Variants in WDR43 observed in about 807,000 individuals in gnomAD.
WDR43 encodes the protein WD repeat-containing protein 43.
WDR43 carries 13 observed loss-of-function variants against 91.4 expected under a neutral mutation model. The observed-to-expected ratio is 0.14, with a 90% CI of 0.09 to 0.23. The LOEUF is 0.23. WDR43 is among the 10% of genes least tolerant of loss of function. The pLI is 1.00. For missense variants in WDR43, 780 were observed against 809.4 expected (o/e 0.96, Z 0.44); for synonymous variants, 331 against 287.9 (o/e 1.15, Z -1.51).
In WDR43 at chr2:28,937,944, G is replaced by A; in HGVS notation, c.1570G>A (p.Val524Ile). 1 of 1,613,702 alleles carries A rather than the reference G, an allele frequency of 6.2e-7. No individual in the cohort carries two copies. The highest frequency in any genetic ancestry group is 8.5e-7 in the Non-Finnish European group (1 of 1,179,770). Residue 524 changes from valine to isoleucine, a missense_variant, in exon 14 of 18, where the codon GTT becomes ATT. Transcript: ENST00000407426. ...TTTTTTTTCCAGTGCTGTGCTAATG[G>A]TTCAGTGGCTAAAATGTGTGTTAAC... ...QGHPNSAVLMVQWLKCVLTVH... is the reference protein window; with the variant it reads ...QGHPNSAVLMIQWLKCVLTVH...
intron 6 of WDR43, among the ~76,000 whole-genome samples, chr2:28,920,460 T>G (rs1480728652): frequency 6.6e-6 from 1 of 151,864 alleles, no homozygotes; most frequent in Non-Finnish European, 1.5e-5. Context: ...ACTCCTGACC[T>G]CAAGTGATCT....
At chr2:28,924,871 C>A in intron 7 of WDR43, 111 bp from the exon 8 acceptor site, 1 of 1,276,668 alleles carries the variant, frequency 7.8e-7, no homozygotes, top group Non-Finnish European at 1.1e-6. Context: ...CTCCTGATGG[C>A]AGTATAGAGG....
chr2:28,901,878 C>T (rs1670582961), intron 1 of WDR43, 109 bp from the exon 2 acceptor site: 4 of 1,087,644 alleles, frequency 3.7e-6, no homozygotes, highest in Non-Finnish European at 5.1e-6. Context: ...TTCTCTCTTC[C>T]CCCCTTTTAA....
chr2:28,922,699 T>C (rs111360610), intron 6 of WDR43, among the ~76,000 whole-genome samples: 6 of 152,296 alleles, frequency 3.9e-5, no homozygotes, highest in African/African-American at 1.4e-4. Flanking sequence ...TCCTTGACTG[T>C]TCTCTTCTTG....
chr2:28,929,907 T>C (rs749811394), intron 11 of WDR43, among the ~76,000 whole-genome samples, 197 bp downstream of exon 11: 1 of 152,024 alleles, frequency 6.6e-6, no homozygotes, highest in Non-Finnish European at 1.5e-5. Flanking sequence ...TTGCATTGAG[T>C]TATTTTGAAC....
chr2:28,925,278 T>G, intron 8 of WDR43, 125 bp downstream of exon 8: 1 of 1,015,344 alleles, frequency 9.8e-7, no homozygotes, highest in Non-Finnish European at 1.3e-6. Context: ...TTAAAGGATT[T>G]CTTCATGGAG....
chr2:28,907,265 G>T (rs1196776689), intron 3 of WDR43, among the ~76,000 whole-genome samples: 1 of 152,106 alleles, frequency 6.6e-6, no homozygotes, highest in East Asian at 1.9e-4. Context: ...CCAGAGAAGG[G>T]ATTCTAATGC....
At position 28,925,141 on chromosome 2, in the gene WDR43, T is replaced by C; in HGVS notation, c.1074T>C (p.Thr358=). ...LLVYGSWFQP[T]IERVALNSRE... is the part of the protein sequence containing the mutation. ...TATATGGCAGTTGGTTTCAGCCTAC[T>C]ATTGAGCGAGTGGTACGTAGCTGCT... The change falls in exon 8 of 18, where the codon ACT becomes ACC. Residue 358 remains threonine, a synonymous_variant. Coordinates refer to ENST00000407426, the MANE Select transcript of WDR43 (RefSeq NM_015131.3). 1 of 1,613,222 alleles carries C rather than the reference T, an allele frequency of 6.2e-7. No homozygotes were observed. The highest frequency in any genetic ancestry group is 8.5e-7 in the Non-Finnish European group (1 of 1,179,478).
intron 3 of WDR43, among the ~76,000 whole-genome samples, chr2:28,909,530 C>T (rs1670749671): frequency 6.6e-6 from 1 of 152,106 alleles, no homozygotes; most frequent in Non-Finnish European, 1.5e-5. Context: ...TCCTTCAAAT[C>T]ACTGGAGATC....
At chr2:28,899,056 G>A (rs764875536) in intron 1 of WDR43, among the ~76,000 whole-genome samples, 1 of 152,100 alleles carries the variant, frequency 6.6e-6, no homozygotes, top group Non-Finnish European at 1.5e-5. Flanking sequence ...TTCAGTATTC[G>A]TTGCTTAACT....
chr2:28,937,302 G>A (rs948150251), intron 13 of WDR43, among the ~76,000 whole-genome samples: 5 of 152,070 alleles, frequency 3.3e-5, no homozygotes, highest in African/African-American at 2.4e-5. Flanking sequence ...ACTAAATTTT[G>A]TGTCTTTTTT....
rs745993867 is a variant in WDR43 at position 28,942,347 on chromosome 2, C to T, written c.1770C>T (p.Ser590=). 9.3e-6 allele frequency: 15 copies of T among 1,613,376 alleles called. No homozygotes were observed. In the Middle Eastern group the frequency reaches 4.9e-4, roughly 53 times the overall value. ...CAGAGAAGACAAAGGGAGCAACTTC[C>T]CCTGGACAGAAGGCAAAGTTGGTGT... ...TASEKTKGAT[S]PGQKAKLVYE... is the part of the protein sequence containing the mutation. Residue 590 remains serine (S), a synonymous_variant, in exon 16 of 18, where the codon TCC becomes TCT. Coordinates refer to ENST00000407426, the MANE Select transcript of WDR43 (RefSeq NM_015131.3).
At position 28,894,813 on chromosome 2, in the gene WDR43, C is replaced by G. The variant is rs1288963662; in HGVS notation, c.115C>G (p.Arg39Gly). The change falls in exon 1 of 18, where the codon CGA becomes GGA. Residue 39 changes from arginine to glycine, a missense_variant. Physicochemically the swap from Arg to Gly is moderately radical, Grantham distance 125 (BLOSUM62 -2). Around this residue, in one of 4 missense-constraint regions of WDR43, gnomAD observed 175 missense variants for 113.8 expected, o/e 1.54. Transcript: ENST00000407426. ...TTTGGCCTCTACCGACGGTCACTTA[C>G]GAGTATGGGAGACGGCCAACAACCG... is the stretch of plus-strand genomic sequence containing the variant. Reference protein sequence around the residue: ...FALASTDGHLRVWETANNRLH... With the variant: ...FALASTDGHLGVWETANNRLH... 3 of 1,611,186 alleles carry G rather than the reference C, an allele frequency of 1.9e-6. No individual in the cohort carries two copies. The highest frequency in any genetic ancestry group is 2.5e-6 in the Non-Finnish European group (3 of 1,178,790).
At chr2:28,939,282 C>T (rs62132028) in intron 14 of WDR43, among the ~76,000 whole-genome samples, 62,115 of 151,860 alleles carry the variant, frequency 0.41, 13,476 homozygotes, top group Middle Eastern at 0.53. Context: ...CAGCAGACAT[C>T]GGATCTTAGG....
chr2:28,925,117 A>G lies in WDR43; in HGVS notation c.1050A>G (p.Val350=). 6.2e-7 allele frequency: 1 copy of G among 1,613,942 alleles called. No individual in the cohort carries two copies. ...CAGACAAAATGTCATTGTTGCTTGTATATGGCAGTTGGTTTCAGCCTACTA... is the reference window on the plus strand; with the variant it reads ...CAGACAAAATGTCATTGTTGCTTGTGTATGGCAGTTGGTTTCAGCCTACTA... ...FCSDKMSLLL[V]YGSWFQPTIE... is the part of the protein sequence containing the mutation. Residue 350 remains valine, a synonymous_variant, in exon 8 of 18, where the codon GTA becomes GTG. Coordinates refer to ENST00000407426, the MANE Select transcript of WDR43 (RefSeq NM_015131.3).
At chr2:28,926,416 C>CTTTTTTT in intron 8 of WDR43, 52 bp from the exon 9 acceptor site, 19 of 1,222,440 alleles carry the variant, frequency 1.6e-5, no homozygotes, top group African/African-American at 4.7e-5. Context: ...GTTTGACACT[C>CTTTTTTT]TTTTTTTTTT....
chr2:28,937,080 AT>A, intron 13 of WDR43, 127 bp downstream of exon 13: 1 of 858,742 alleles, frequency 1.2e-6, no homozygotes, highest in Non-Finnish European at 1.8e-6. Context: ...CACCTCCCTT[AT>A]TTTAAGTTGA....
At chr2:28,903,832 T>G (rs1670623817) in intron 2 of WDR43, among the ~76,000 whole-genome samples, 1 of 151,944 alleles carries the variant, frequency 6.6e-6, no homozygotes, top group African/African-American at 2.4e-5. Context: ...AAAGACAGAG[T>G]CTCACTCTGT....
chr2:28,939,892 G>A (rs1671401784), intron 14 of WDR43, among the ~76,000 whole-genome samples: 2 of 152,090 alleles, frequency 1.3e-5, no homozygotes, highest in South Asian at 4.1e-4. Flanking sequence ...TGGATCATGA[G>A]TTCAGGAGAT....
Sources: gnomAD v4.1 joint callset for allele counts (sites outside exome capture counted in the v4.1 genomes callset) on GRCh38, gnomAD v4.1.1 for gene constraint, gnomAD v4.1.1 regional missense constraint, MANE v1.5 for transcripts, NCBI Gene and HGNC (gene_info 2026-07-23, HGNC 2026-07-21) for gene names.